The following COL11A1 variants were observed in gnomAD, a reference collection of about 807,000 sequenced individuals.
COL11A1 encodes the protein collagen alpha-1(XI) chain.
Under a neutral mutation model 265.2 loss-of-function variants are expected in COL11A1, and 74 were observed. The ratio of observed to expected loss-of-function variants is 0.28; its 90% CI spans 0.23 to 0.34. The LOEUF (loss-of-function observed/expected upper bound fraction) is 0.34. Ranked by LOEUF, COL11A1 falls within the 10% of genes least tolerant of loss-of-function variation. COL11A1 has a pLI of 1.00. For missense variants in COL11A1, 2,165 were observed against 2,263.6 expected (o/e 0.96, Z 0.88); for synonymous variants, 816 against 727.6 (o/e 1.12, Z -1.96).
At chr1:103,034,483 C>T (rs114097220) in intron 4 of COL11A1, among the ~76,000 whole-genome samples, 3,768 of 152,062 alleles carry the variant, frequency 0.025, 59 homozygotes, top group Middle Eastern at 0.054. Flanking sequence ...CTTCTCTAGT[C>T]AATTTTTCAT....
At chr1:103,046,080 C>T (rs866729740) in intron 4 of COL11A1, among the ~76,000 whole-genome samples, 8 of 151,358 alleles carry the variant, frequency 5.3e-5, no homozygotes, top group South Asian at 2.1e-4. Context: ...AATAAACATA[C>T]GTGTGCATGT....
intron 41 of COL11A1, among the ~76,000 whole-genome samples, chr1:102,952,974 A>G (rs1245752396): frequency 6.6e-6 from 1 of 152,212 alleles, no homozygotes; most frequent in Non-Finnish European, 1.5e-5. Context: ...AACACTAATG[A>G]GAATCTATTC....
chr1:102,948,530 C>A (rs549787276), intron 41 of COL11A1, among the ~76,000 whole-genome samples: 1 of 151,872 alleles, frequency 6.6e-6, no homozygotes, highest in Non-Finnish European at 1.5e-5. Context: ...GAAATTTGAG[C>A]TTTATATAAA....
intron 41 of COL11A1, among the ~76,000 whole-genome samples, chr1:102,959,183 C>T (rs570687500): frequency 6.6e-6 from 1 of 152,312 alleles, no homozygotes; most frequent in Admixed American, 6.5e-5. Flanking sequence ...GTTTACTCCA[C>T]TTGTTCTGTA....
Position 103,108,478 on chromosome 1 carries a change from C to T in COL11A1, c.-300G>A. The T allele has an allele frequency of 3.4e-6, 2 of 595,638 alleles. No homozygotes were observed. Among genetic ancestry groups the T allele is most frequent in the Non-Finnish European group, 6.0e-6 (2 of 335,368 alleles). 36.9% of individuals were successfully genotyped at this position (595,638 alleles called of 1,614,324 possible). On this transcript the variant is annotated 5_prime_UTR_variant, in exon 1 of 67. Transcript: ENST00000370096. ...AAGGCAGATGAGGGGCTTCCACCAA[C>T]AAGCTGAGAGTACTGTGTGCCCCTA...
chr1:102,974,765 G>C, intron 36 of COL11A1, 65 bp downstream of exon 36: 2 of 1,190,958 alleles, frequency 1.7e-6, no homozygotes, highest in South Asian at 2.5e-5. Context: ...ATAAATGTAA[G>C]CTGTGACTCT....
At chr1:102,978,484 A>G (rs1662717098) in intron 35 of COL11A1, among the ~76,000 whole-genome samples, 1 of 152,216 alleles carries the variant, frequency 6.6e-6, no homozygotes, top group African/African-American at 2.4e-5. Flanking sequence ...TAGTCCAGTT[A>G]CACACATTTT....
At chr1:103,076,916 T>C (rs951015100) in intron 3 of COL11A1, among the ~76,000 whole-genome samples, 1 of 152,146 alleles carries the variant, frequency 6.6e-6, no homozygotes, top group African/African-American at 2.4e-5. Flanking sequence ...GTCATGATTG[T>C]TCTTTAAAAA....
intron 4 of COL11A1, among the ~76,000 whole-genome samples, chr1:103,065,759 G>C (rs1215502704): frequency 1.3e-5 from 2 of 151,794 alleles, no homozygotes; most frequent in Admixed American, 6.6e-5. Context: ...AAGAGTGAAG[G>C]CTTCCTAAAT....
chr1:102,934,549 T>C lies in COL11A1; in HGVS notation c.3500A>G (p.Asp1167Gly), dbSNP rs1373311078. Residue 1167 changes from aspartate to glycine, a missense_variant, in exon 46 of 67, where the codon GAT (aspartate) becomes GGT (glycine). Transcript: ENST00000370096. ...CTGTCCTCTAGGACCTGGTTCACCA[T>C]CACCTCCCTAGAGAAGAGAAAGAAA... is the stretch of plus-strand genomic sequence containing the variant. ...PVGAPGIAGG[D>G]GEPGPRGQQG... 1.2e-6 allele frequency: 2 copies of C among 1,612,612 alleles called. No homozygotes were observed. The highest frequency in any genetic ancestry group is 1.7e-6 in the Non-Finnish European group (2 of 1,178,786).
chr1:102,948,518 G>T (rs1659545342), intron 41 of COL11A1, among the ~76,000 whole-genome samples: 1 of 151,960 alleles, frequency 6.6e-6, no homozygotes, highest in African/African-American at 2.4e-5. Context: ...TAAGGAAATT[G>T]TGAAATTTGA....
intron 4 of COL11A1, among the ~76,000 whole-genome samples, chr1:103,032,156 T>C (rs1401244394): frequency 6.6e-6 from 1 of 152,130 alleles, no homozygotes; most frequent in East Asian, 1.9e-4. Context: ...GATAGCCATT[T>C]AACTTGAGCA....
Position 103,031,194 on chromosome 1 carries a change from G to C in COL11A1, c.702C>G (p.Asp234Glu), listed in dbSNP as rs1293638003. Residue 234 changes from aspartate to glutamate, a missense_variant, in exon 5 of 67, where the codon GAC becomes GAG. Coordinates refer to ENST00000370096, the MANE Select transcript of COL11A1 (RefSeq NM_001854.4). Reference protein sequence around the residue: ...LITGDPKAAYDYCEHYSPDCD... With the variant: ...LITGDPKAAYEYCEHYSPDCD... The stretch of plus-strand genomic sequence containing the variant: ...AGTCTGGACTATAATGCTCACAGTA[G>C]TCATATGCTGCCTTGGGATCACCTG... 11 of 1,609,998 alleles carry C rather than the reference G, an allele frequency of 6.8e-6. No homozygotes were observed. The highest frequency in any genetic ancestry group is 2.2e-5 in the East Asian group (1 of 44,770).
At chr1:102,989,970 G>A (rs953139474) in intron 28 of COL11A1, among the ~76,000 whole-genome samples, 1 of 152,008 alleles carries the variant, frequency 6.6e-6, no homozygotes. Context: ...CAGATTATTC[G>A]AGCCCAGGAG....
intron 1 of COL11A1, chr1:103,100,666 C>G (rs973978055): frequency 5.9e-5 from 9 of 151,858 alleles, no homozygotes; most frequent in African/African-American, 2.2e-4. Flanking sequence ...TAATATTAGG[C>G]CCCAGGGCAC....
At chr1:103,098,420 T>C (rs1471847694) in intron 1 of COL11A1, among the ~76,000 whole-genome samples, 3 of 151,902 alleles carry the variant, frequency 2.0e-5, no homozygotes, top group Non-Finnish European at 4.4e-5. Context: ...ATCAACATTA[T>C]CTATGAAACT....
At position 103,026,273 on chromosome 1, in the gene COL11A1, C is replaced by A. The variant is rs777095769; in HGVS notation, c.840G>T (p.Glu280Asp). The change falls in exon 6 of 67, where the codon GAG (glutamate) becomes GAT (aspartate). Residue 280 changes from glutamate to aspartate, a missense_variant. By Grantham distance (45) the Glu-to-Asp change is conservative (BLOSUM62 2). Coordinates refer to ENST00000370096, the MANE Select transcript of COL11A1 (RefSeq NM_001854.4). ...DYEYGEAEYK[E>D]AESVTEGPTV... Reference sequence around the variant, plus strand: ...TGGGTCCCTCTGTTACACTTTCAGCCTCTTTATACTCTGCTTCCCCATACT... The same window carrying A: ...TGGGTCCCTCTGTTACACTTTCAGCATCTTTATACTCTGCTTCCCCATACT... 1.9e-6 allele frequency: 3 copies of A among 1,613,744 alleles called. No homozygotes were observed. The highest frequency in any genetic ancestry group is 2.5e-6 in the Non-Finnish European group (3 of 1,179,692).
At chr1:102,994,531 A>G (rs970239162) in intron 28 of COL11A1, among the ~76,000 whole-genome samples, 5 of 152,224 alleles carry the variant, frequency 3.3e-5, no homozygotes, top group African/African-American at 1.2e-4. Flanking sequence ...CTTCCTGTAC[A>G]GCCTGCACAA....
intron 30 of COL11A1, 30 bp downstream of exon 30, chr1:102,987,603 G>A: frequency 6.7e-7 from 1 of 1,482,986 alleles, no homozygotes; most frequent in Non-Finnish European, 9.4e-7. Context: ...AGCTGCAAGA[G>A]TACCAGTGAA....
Sources: allele counts gnomAD v4.1 joint callset (sites outside exome capture counted in the v4.1 genomes callset), GRCh38; gene constraint gnomAD v4.1.1; transcripts MANE v1.5; gene names NCBI Gene and HGNC (gene_info 2026-07-23, HGNC 2026-07-21).